The following ENC1 variants were observed in gnomAD, a reference collection of about 807,000 sequenced individuals.
The protein encoded by ENC1 is ectoderm-neural cortex protein 1.
ENC1 carries 19 observed loss-of-function variants against 40.9 expected under a neutral mutation model. That is an observed-to-expected ratio of 0.46 (90% CI 0.32 to 0.68). ENC1 has a LOEUF of 0.68. Ranked by LOEUF, ENC1 falls within the 30% of genes least tolerant of loss-of-function variation. ENC1 has a pLI of 0.03. For synonymous variants in ENC1, 285 were observed against 291.1 expected (o/e 0.98, Z 0.21); for missense variants, 479 against 737.5 (o/e 0.65, Z 4.06).
At position 74,627,715 on chromosome 5, in the gene ENC1, C is replaced by T. The variant is rs1747249612; in HGVS notation, c.*2310G>A. The T allele has an allele frequency of 6.6e-6, 1 of 152,630 alleles. No homozygotes were observed. Among genetic ancestry groups the T allele is most frequent in the South Asian group, 2.1e-4 (1 of 4,836 alleles). The allele number at this position is 152,630 out of a possible 1,614,324, so 9.5% of individuals were successfully genotyped here. On this transcript the variant is annotated 3_prime_UTR_variant, in exon 3 of 3. Transcript: ENST00000302351. ...ATGTGTTTCTACAGCAACCAGCCCA[C>T]AAAATAAGAAGAACCTTCTCTGTCT... is the stretch of plus-strand genomic sequence containing the variant.
At chr5:74,640,050 C>G (rs961506009) in intron 1 of ENC1, 1 of 152,278 alleles carries the variant, frequency 6.6e-6, no homozygotes, top group Non-Finnish European at 1.5e-5. Context: ...CCTCGCTTCC[C>G]CAGCGGCTCG....
In ENC1 at chr5:74,635,715, G is replaced by C. The variant is rs745617479; in HGVS notation, c.771C>G (p.Thr257=). 1.2e-6 allele frequency: 2 copies of C among 1,614,120 alleles called. No homozygotes were observed. The highest frequency in any genetic ancestry group is 1.7e-6 in the Non-Finnish European group (2 of 1,180,016). The change falls in exon 2 of 3, where the codon ACC becomes ACG. Residue 257 remains threonine, a synonymous_variant. Coordinates refer to ENST00000302351, the MANE Select transcript of ENC1 (RefSeq NM_003633.4). This position sits in a 1 kb window ranked among gnomAD's most constrained non-coding sequence, Gnocchi z 5.5. ...CAATTTCCTTACTCTTTCTCTGCTT[G>C]GTGATGAGTTCCTCCATGGCCACAT... The part of the protein sequence containing the change: ...MENVAMEELI[T]KQRKSKEIVE...
At chr5:74,634,627 G>T in intron 2 of ENC1, 57 bp downstream of exon 2, 1 of 817,536 alleles carries the variant, frequency 1.2e-6, no homozygotes, top group South Asian at 1.7e-5. Flanking sequence ...CCCATGTACT[G>T]AACTTACACA....
intron 2 of ENC1, among the ~76,000 whole-genome samples, chr5:74,633,327 C>T (rs1344228385): frequency 2.0e-5 from 3 of 152,174 alleles, no homozygotes; most frequent in Non-Finnish European, 2.9e-5. Context: ...ACACAGACAA[C>T]TATTATGTAC....
chr5:74,630,289 A>G (rs1257594080), intron 2 of ENC1, among the ~76,000 whole-genome samples: 3 of 152,248 alleles, frequency 2.0e-5, no homozygotes, highest in Non-Finnish European at 4.4e-5. Flanking sequence ...CTAAGCATAC[A>G]CACTTTCAAA....
intron 1 of ENC1, among the ~76,000 whole-genome samples, chr5:74,639,382 G>A (rs1561195320): frequency 1.3e-5 from 2 of 152,176 alleles, no homozygotes; most frequent in South Asian, 2.1e-4. Flanking sequence ...CTTAACCTAC[G>A]TCTGCAAAGA....
chr5:74,630,246 A>G (rs958843537), intron 2 of ENC1, among the ~76,000 whole-genome samples: 9 of 152,222 alleles, frequency 5.9e-5, no homozygotes, highest in Non-Finnish European at 1.3e-4. Flanking sequence ...TGACAAAAAC[A>G]GTGGTGTCTA....
Position 74,627,684 on chromosome 5 carries a change from T to C in ENC1, c.*2341A>G, listed in dbSNP as rs1469433890. 1 of 152,592 alleles carries C rather than the reference T, an allele frequency of 6.6e-6. No homozygotes were observed. Among genetic ancestry groups the C allele is most frequent in the East Asian group, 1.9e-4 (1 of 5,198 alleles). 9.5% of individuals were successfully genotyped at this position (152,592 alleles called of 1,614,324 possible). A position where few individuals can be genotyped will look rare whatever the true frequency, so the allele number is the denominator to read the frequency against. On this transcript the variant is annotated 3_prime_UTR_variant, in exon 3 of 3. Transcript: ENST00000302351. ...TTATACCAGAAGTGGAGGGCTGCCCTTTGTTATGTGTTTCTACAGCAACCA... is the reference window on the plus strand; with the variant it reads ...TTATACCAGAAGTGGAGGGCTGCCCCTTGTTATGTGTTTCTACAGCAACCA...
At position 74,635,000 on chromosome 5, in the gene ENC1, T is replaced by C; in HGVS notation, c.1486A>G (p.Ile496Val). 2 of 1,614,164 alleles carry C rather than the reference T, an allele frequency of 1.2e-6. No homozygotes were observed. Among genetic ancestry groups the C allele is most frequent in the Non-Finnish European group, 1.7e-6 (2 of 1,180,026 alleles). The stretch of plus-strand genomic sequence containing the variant: ...GAGAATTCTGTATCACCCCCCATAA[T>C]AAAAATCTGGTTCCCCAGCACAGCT... ...AAAVLGNQIF[I>V]MGGDTEFSAC... is the part of the protein sequence containing the mutation. Residue 496 changes from isoleucine (I) to valine (V), a missense_variant, in exon 2 of 3, where the codon ATT becomes GTT. Coordinates refer to ENST00000302351, the MANE Select transcript of ENC1 (RefSeq NM_003633.4).
Position 74,635,327 on chromosome 5 carries a change from T to G in ENC1, c.1159A>C (p.Lys387Gln), listed in dbSNP as rs760336240. 1 of 1,614,070 alleles carries G rather than the reference T, an allele frequency of 6.2e-7. No homozygotes were observed. The highest frequency in any genetic ancestry group is 8.5e-7 in the Non-Finnish European group (1 of 1,180,014). The change falls in exon 2 of 3, where the codon AAG (lysine) becomes CAG (glutamine). Residue 387 changes from lysine (K) to glutamine (Q), a missense_variant. By Grantham distance (53) the Lys-to-Gln change is moderately conservative (BLOSUM62 1). Transcript: ENST00000302351. This position sits in a 1 kb window ranked among gnomAD's most constrained non-coding sequence, Gnocchi z 5.5. The stretch of plus-strand genomic sequence containing the variant: ...CCCCCAACCACATACAGGCAGTGCT[T>G]CAGTTCAGCAGAGCCATGGCCAAAC... ...ARFGHGSAEL[K>Q]HCLYVVGGHT...
At chr5:74,631,539 C>G (rs935665367) in intron 2 of ENC1, among the ~76,000 whole-genome samples, 1 of 152,304 alleles carries the variant, frequency 6.6e-6, no homozygotes, top group African/African-American at 2.4e-5. Context: ...AAATTTTAAC[C>G]AACATTCTCC....
chr5:74,630,736 T>C (rs1192471431), intron 2 of ENC1, among the ~76,000 whole-genome samples: 4 of 152,200 alleles, frequency 2.6e-5, no homozygotes, highest in Non-Finnish European at 4.4e-5. Context: ...GCACATTTCA[T>C]AGAGCTTGCA....
Position 74,635,027 on chromosome 5 carries a change from C to A in ENC1, c.1459G>T (p.Ala487Ser). 6.2e-7 allele frequency: 1 copy of A among 1,614,222 alleles called. No homozygotes were observed. Among genetic ancestry groups the A allele is most frequent in the Non-Finnish European group, 8.5e-7 (1 of 1,180,026 alleles). The change falls in exon 2 of 3, where the codon GCA becomes TCA. Residue 487 changes from alanine (A) to serine (S), a missense_variant. Ala to Ser is a moderately conservative substitution (Grantham distance 99). Coordinates refer to ENST00000302351, the MANE Select transcript of ENC1 (RefSeq NM_003633.4). This position sits in a 1 kb window ranked among gnomAD's most constrained non-coding sequence, Gnocchi z 5.5. ...TCPQPWRYTA[A>S]AVLGNQIFIM... ...AAAATCTGGTTCCCCAGCACAGCTGCTGCTGTGTAACGCCAGGGCTGGGGA... is the reference window on the plus strand; with the variant it reads ...AAAATCTGGTTCCCCAGCACAGCTGATGCTGTGTAACGCCAGGGCTGGGGA...
rs548785626 is a variant in ENC1 at position 74,628,614 on chromosome 5, A to G, written c.*1411T>C. On this transcript the variant is annotated 3_prime_UTR_variant, in exon 3 of 3. Transcript: ENST00000302351. ...GCCAAATGTGTTACTTGTGCACCAA[A>G]GAGTTTTTTAAAAAGAGATTTGCCT... 2 of 152,446 alleles carry G rather than the reference A, an allele frequency of 1.3e-5. No individual in the cohort carries two copies. Among genetic ancestry groups the G allele is most frequent in the South Asian group, 4.1e-4 (2 of 4,824 alleles). 9.4% of individuals were successfully genotyped at this position (152,446 alleles called of 1,614,324 possible).
rs1554031079 is a variant in ENC1 at position 74,640,543 on chromosome 5, T to C, written c.-250A>G. 6.6e-6 allele frequency: 1 copy of C among 152,174 alleles called. No individual in the cohort carries two copies. The highest frequency in any genetic ancestry group is 1.5e-5 in the Non-Finnish European group (1 of 68,048). 9.4% of individuals were successfully genotyped at this position (152,174 alleles called of 1,614,324 possible). A position where few individuals can be genotyped will look rare whatever the true frequency, so the allele number is the denominator to read the frequency against. The stretch of plus-strand genomic sequence containing the variant: ...CGGTGTCCAGGACCCGCAGAGCGTC[T>C]CCGGAGCGCGTCACGGTAGGGCAGA... On this transcript the variant is annotated 5_prime_UTR_variant, in exon 1 of 3. Coordinates refer to ENST00000302351, the MANE Select transcript of ENC1 (RefSeq NM_003633.4).
chr5:74,631,560 T>C (rs954165817), intron 2 of ENC1, among the ~76,000 whole-genome samples: 1 of 152,236 alleles, frequency 6.6e-6, no homozygotes, highest in African/African-American at 2.4e-5. Flanking sequence ...CTGTCGGAAA[T>C]TCAAAGAGTG....
In ENC1 at chr5:74,627,465, A is replaced by T. The variant is rs1159068810; in HGVS notation, c.*2560T>A. On this transcript the variant is annotated 3_prime_UTR_variant, in exon 3 of 3. Coordinates refer to ENST00000302351, the MANE Select transcript of ENC1 (RefSeq NM_003633.4). Reference sequence around the variant, plus strand: ...TTCAGTTTCACATTGTGAAAAAAAAAAAAATAACAGTTTTACAAAACCTCA... The same window carrying T: ...TTCAGTTTCACATTGTGAAAAAAAATAAAATAACAGTTTTACAAAACCTCA... The T allele has an allele frequency of 1.3e-5, 2 of 152,578 alleles. No individual in the cohort carries two copies. Among genetic ancestry groups the T allele is most frequent in the African/African-American group, 4.8e-5 (2 of 41,412 alleles). 9.5% of individuals were successfully genotyped at this position (152,578 alleles called of 1,614,324 possible). A position where few individuals can be genotyped will look rare whatever the true frequency, so the allele number is the denominator to read the frequency against.
At chr5:74,632,795 G>A (rs544527305) in intron 2 of ENC1, among the ~76,000 whole-genome samples, 3 of 152,186 alleles carry the variant, frequency 2.0e-5, no homozygotes, top group Non-Finnish European at 2.9e-5. Context: ...AGGTTGCAGC[G>A]AGCTGAGATA....
intron 1 of ENC1, among the ~76,000 whole-genome samples, chr5:74,639,593 A>C (rs1023373334): frequency 2.0e-5 from 3 of 152,226 alleles, no homozygotes; most frequent in African/African-American, 7.2e-5. Context: ...CATTACCGGT[A>C]ACAATAGAAC....
Sources: allele counts gnomAD v4.1 joint callset (sites outside exome capture counted in the v4.1 genomes callset), GRCh38; gene constraint gnomAD v4.1.1; non-coding constraint Gnocchi (gnomAD v3.1); transcripts MANE v1.5; gene names NCBI Gene and HGNC (gene_info 2026-07-23, HGNC 2026-07-21).